The following HLCS variants were observed in gnomAD, a reference collection of about 807,000 sequenced individuals.
The protein encoded by HLCS is holocarboxylase synthetase, also known as biotin--protein ligase.
A neutral mutation model predicts 75.0 loss-of-function variants in HLCS; 53 were observed. The observed-to-expected ratio is 0.71, with a 90% CI of 0.57 to 0.89. The LOEUF is 0.89. Ranked by LOEUF, HLCS falls within the 40% of genes least tolerant of loss-of-function variation. The probability of loss-of-function intolerance (pLI) is 0.00; values close to 1 mark genes in which losing one functional copy is unlikely to be tolerated. For synonymous variants in HLCS, 431 were observed against 428.6 expected (o/e 1.01, Z -0.07); for missense variants, 966 against 1,074.0 (o/e 0.90, Z 1.41).
chr21:36,905,840 T>C (rs2065425648), intron 5 of HLCS, among the ~76,000 whole-genome samples: 1 of 151,836 alleles, frequency 6.6e-6, no homozygotes, highest in Non-Finnish European at 1.5e-5. Flanking sequence ...TCACTTGAGG[T>C]CAGGAGTTCA....
intron 6 of HLCS, among the ~76,000 whole-genome samples, chr21:36,835,215 T>G (rs2062369636): frequency 6.6e-6 from 1 of 152,162 alleles, no homozygotes; most frequent in Admixed American, 6.6e-5. Context: ...GGTTTAGTCT[T>G]TCCTAAATAC....
chr21:36,754,675 A>G (rs139343775), intron 10 of HLCS, among the ~76,000 whole-genome samples: 1 of 152,314 alleles, frequency 6.6e-6, no homozygotes, highest in East Asian at 1.9e-4. Context: ...ACTCCTCCTA[A>G]TTCTGGTCAT....
At chr21:36,917,606 G>A (rs565932304) in intron 5 of HLCS, among the ~76,000 whole-genome samples, 5 of 152,304 alleles carry the variant, frequency 3.3e-5, no homozygotes, top group South Asian at 2.1e-4. Flanking sequence ...GGCTACAGCC[G>A]TAAGCATGCT....
intron 6 of HLCS, among the ~76,000 whole-genome samples, chr21:36,803,591 A>G (rs1318005122): frequency 3.3e-5 from 5 of 152,232 alleles, no homozygotes; most frequent in Non-Finnish European, 5.9e-5. Flanking sequence ...TTTTGGCTGT[A>G]AGAAGTATCC....
At chr21:36,960,010 G>A (rs1027154699) in intron 2 of HLCS, among the ~76,000 whole-genome samples, 1 of 152,072 alleles carries the variant, frequency 6.6e-6, no homozygotes, top group African/African-American at 2.4e-5. Flanking sequence ...GGGGCTCTGC[G>A]GTTCCCAGCG....
chr21:36,856,381 G>T (rs1276501268), intron 6 of HLCS, among the ~76,000 whole-genome samples: 4 of 152,202 alleles, frequency 2.6e-5, no homozygotes, highest in African/African-American at 9.7e-5. Context: ...AAACAGCTAT[G>T]AAGTATCAGA....
At chr21:36,987,669 G>T (rs1012501649) in intron 1 of HLCS, among the ~76,000 whole-genome samples, 2 of 152,030 alleles carry the variant, frequency 1.3e-5, no homozygotes, top group Admixed American at 6.6e-5. Flanking sequence ...CACTATAAAG[G>T]TTCCTTTTTT....
At chr21:36,962,495 G>C (rs2068352314) in intron 1 of HLCS, among the ~76,000 whole-genome samples, 1 of 152,124 alleles carries the variant, frequency 6.6e-6, no homozygotes, top group African/African-American at 2.4e-5. Flanking sequence ...TACATTTAAA[G>C]ATGAGGAGGC....
intron 1 of HLCS, among the ~76,000 whole-genome samples, chr21:36,988,902 T>C (rs1361649526): frequency 6.6e-6 from 1 of 152,194 alleles, no homozygotes; most frequent in Non-Finnish European, 1.5e-5. Flanking sequence ...TTGAGTTATT[T>C]ACATACTTGG....
In HLCS at chr21:36,749,939, CAG is replaced by C. The variant is rs2089317085; in HGVS notation, c.*4305_*4306del. On this transcript the variant is annotated 3_prime_UTR_variant, in exon 11 of 11. Coordinates refer to ENST00000674895, the MANE Select transcript of HLCS (RefSeq NM_001352514.2). Reference sequence around the variant, plus strand: ...CAAGTGACAACGTGGACAGGCGTAACAGAGTGTGTATGTACTTGAAAATGTGT... The same window carrying C: ...CAAGTGACAACGTGGACAGGCGTAACAGTGTGTATGTACTTGAAAATGTGT... 6.6e-6 allele frequency: 1 copy of C among 152,218 alleles called. No homozygotes were observed. Among genetic ancestry groups the C allele is most frequent in the African/African-American group, 2.4e-5 (1 of 41,450 alleles). 9.4% of individuals were successfully genotyped at this position (152,218 alleles called of 1,614,324 possible). A position where few individuals can be genotyped will look rare whatever the true frequency, so the allele number is the denominator to read the frequency against.
chr21:36,865,215 G>A (rs1601557422), intron 6 of HLCS, among the ~76,000 whole-genome samples: 1 of 151,912 alleles, frequency 6.6e-6, no homozygotes, highest in East Asian at 1.9e-4. Flanking sequence ...CCACGTGGAG[G>A]CTAAGGGTCT....
chr21:36,877,135 A>C (rs1461132381), intron 6 of HLCS, among the ~76,000 whole-genome samples: 7 of 152,188 alleles, frequency 4.6e-5, no homozygotes, highest in Admixed American at 2.6e-4. Context: ...GTGTCTTTAT[A>C]ATTGAAGTGT....
chr21:36,976,035 T>A (rs1224405925), intron 1 of HLCS, among the ~76,000 whole-genome samples: 1 of 152,230 alleles, frequency 6.6e-6, no homozygotes, highest in Non-Finnish European at 1.5e-5. Flanking sequence ...TTTGAATTTG[T>A]GTCCTTTTGG....
At chr21:36,910,340 T>C (rs2065645672) in intron 5 of HLCS, among the ~76,000 whole-genome samples, 1 of 151,672 alleles carries the variant, frequency 6.6e-6, no homozygotes, top group African/African-American at 2.4e-5. Flanking sequence ...AGGTCAGGAG[T>C]TTGAGACCAG....
chr21:36,985,090 T>C (rs1352185904), intron 1 of HLCS, among the ~76,000 whole-genome samples: 1 of 152,212 alleles, frequency 6.6e-6, no homozygotes, highest in African/African-American at 2.4e-5. Context: ...AGAATATTTC[T>C]CCAACATAAC....
At chr21:36,856,894 T>G (rs1298259452) in intron 6 of HLCS, among the ~76,000 whole-genome samples, 1 of 152,060 alleles carries the variant, frequency 6.6e-6, no homozygotes, top group Non-Finnish European at 1.5e-5. Context: ...CACACAGACA[T>G]ACATACAAGG....
intron 5 of HLCS, among the ~76,000 whole-genome samples, chr21:36,917,358 T>C (rs2065976662): frequency 6.6e-6 from 1 of 152,164 alleles, no homozygotes; most frequent in Non-Finnish European, 1.5e-5. Context: ...AACACCTCCC[T>C]GAAAAACCAC....
chr21:36,888,432 TAAAAAAAA>T lies in HLCS; in HGVS notation c.1892+8420_1892+8427del, dbSNP rs1191691491. On this transcript the variant is annotated intron_variant, in intron 6 of 10. Transcript: ENST00000674895. ...AATGCGATCCTGCCCCCTTCCCATT[TAAAAAAAA>T]AAAAAATATATATATATATATATAT... Among the ~76,000 whole-genome samples the T allele has an allele frequency of 1.3e-4, 3 of 23,778 alleles. 1 individual carries two copies. The highest frequency in any genetic ancestry group is 3.9e-4 in the African/African-American group (3 of 7,754). The allele number at this position is 23,778 out of a possible 152,430, so 15.6% of individuals were successfully genotyped here.
chr21:36,796,575 T>C (rs1484109090), intron 6 of HLCS, among the ~76,000 whole-genome samples: 3 of 152,116 alleles, frequency 2.0e-5, no homozygotes, highest in African/African-American at 7.2e-5. Flanking sequence ...ATCCAGGGCG[T>C]TGGGAGACTT....
Sources: allele counts gnomAD v4.1 joint callset (sites outside exome capture counted in the v4.1 genomes callset), GRCh38; gene constraint gnomAD v4.1.1; transcripts MANE v1.5; gene names NCBI Gene and HGNC (gene_info 2026-07-23, HGNC 2026-07-21).